The following PABPC1L variants were observed in gnomAD, a reference collection of about 807,000 sequenced individuals.
PABPC1L encodes the protein poly(A) binding protein cytoplasmic 1 like.
Under a neutral mutation model 66.6 loss-of-function variants are expected in PABPC1L, and 31 were observed. The observed-to-expected ratio is 0.47, with a 90% CI of 0.35 to 0.63. The LOEUF (loss-of-function observed/expected upper bound fraction) is 0.63. Ranked by LOEUF, PABPC1L falls within the 20% of genes least tolerant of loss-of-function variation. The probability of loss-of-function intolerance (pLI) is 0.00; values close to 1 mark genes in which losing one functional copy is unlikely to be tolerated. For missense variants in PABPC1L, 722 were observed against 848.8 expected (o/e 0.85, Z 1.86); for synonymous variants, 348 against 335.1 (o/e 1.04, Z -0.42).
At chr20:44,925,845 A>G (rs2066805906) in intron 7 of PABPC1L, among the ~76,000 whole-genome samples, 1 of 152,214 alleles carries the variant, frequency 6.6e-6, no homozygotes, top group Non-Finnish European at 1.5e-5. Context: ...AACATGGTTG[A>G]AAGCTGGAAT....
chr20:44,932,879 A>C lies in PABPC1L; in HGVS notation c.1331-178A>C. 3 of 590,090 alleles carry C rather than the reference A, an allele frequency of 5.1e-6. No individual in the cohort carries two copies. The East Asian group carries it at 8.4e-5, about 17-fold the overall frequency. The allele number at this position is 590,090 out of a possible 1,614,324, so 36.6% of individuals were successfully genotyped here. ...TGGCTTTGAAATTGTAGATTCCTAC[A>C]CTCCCCCTTTCTGGAGTTCTGGGTC... On this transcript the variant is annotated intron_variant, in intron 9 of 14. Coordinates refer to ENST00000217073, the MANE Select transcript of PABPC1L (RefSeq NM_001372179.1).
intron 7 of PABPC1L, among the ~76,000 whole-genome samples, chr20:44,927,534 A>C (rs1043177149): frequency 9.2e-5 from 14 of 151,950 alleles, no homozygotes; most frequent in African/African-American, 3.4e-4. Context: ...TTTTTAGTAG[A>C]GATGGGGTGT....
chr20:44,930,051 C>G (rs1047993310), intron 7 of PABPC1L, among the ~76,000 whole-genome samples: 2 of 152,136 alleles, frequency 1.3e-5, no homozygotes, highest in Non-Finnish European at 2.9e-5. Context: ...TCGAGTCTCT[C>G]TTATCCCGGC....
At chr20:44,914,302 G>A (rs1324811271) in intron 2 of PABPC1L, among the ~76,000 whole-genome samples, 1 of 147,294 alleles carries the variant, frequency 6.8e-6, no homozygotes, top group Admixed American at 6.9e-5. Flanking sequence ...CTCCTCCCAG[G>A]TTCACGCCAT....
intron 10 of PABPC1L, 120 bp from the exon 11 acceptor site, chr20:44,935,271 T>A: frequency 1.4e-6 from 1 of 725,802 alleles, no homozygotes; most frequent in Non-Finnish European, 2.4e-6. Flanking sequence ...TCTTCTAATT[T>A]CTTTACATTC....
At position 44,933,070 on chromosome 20, in the gene PABPC1L, A is replaced by G; in HGVS notation, c.1344A>G (p.Pro448=). ...CTGCACCACAAGCTGCCTACCCTCC[A>G]GGTGCCTCAATGGTCCGGCCACCAG... is the stretch of plus-strand genomic sequence containing the variant. ...QPPRPSSAYP[P]GASMVRPPVV... The change falls in exon 10 of 15, where the codon CCA becomes CCG. Residue 448 remains proline (P), a synonymous_variant. Coordinates refer to ENST00000217073, the MANE Select transcript of PABPC1L (RefSeq NM_001372179.1). 6 of 1,588,274 alleles carry G rather than the reference A, an allele frequency of 3.8e-6. No individual in the cohort carries two copies. Among genetic ancestry groups the G allele is most frequent in the South Asian group, 1.2e-5 (1 of 86,934 alleles).
intron 3 of PABPC1L, among the ~76,000 whole-genome samples, chr20:44,917,707 C>T (rs927153231): frequency 1.3e-5 from 2 of 152,130 alleles, no homozygotes; most frequent in African/African-American, 4.8e-5. Context: ...GAGGCCAGCT[C>T]ACATGGTCAG....
At chr20:44,938,648 G>GT (rs1568654652) in intron 13 of PABPC1L, 26 bp from the exon 14 acceptor site, 1 of 1,583,420 alleles carries the variant, frequency 6.3e-7, no homozygotes, top group Non-Finnish European at 8.6e-7. Context: ...GCTGCACTAA[G>GT]CCCCCCCGCC....
intron 7 of PABPC1L, among the ~76,000 whole-genome samples, chr20:44,927,354 T>A (rs1161920667): frequency 2.3e-3 from 328 of 140,390 alleles, no homozygotes; most frequent in African/African-American, 5.0e-3. Context: ...TATATATATT[T>A]TTTTTTTTTT....
Position 44,919,012 on chromosome 20 carries a change from G to A in PABPC1L, c.610G>A (p.Glu204Lys), listed in dbSNP as rs768735613. 6.8e-6 allele frequency: 11 copies of A among 1,613,228 alleles called. No homozygotes were observed. The highest frequency in any genetic ancestry group is 2.2e-5 in the South Asian group (2 of 90,924). ...YVKNLPVDVD[E>K]QGLQDLFSQF... ...GAAGAACCTCCCGGTGGATGTGGAC[G>A]AGCAAGGCCTGCAGGACCTCTTCTC... Residue 204 changes from glutamate (E) to lysine (K), a missense_variant, in exon 4 of 15, where the codon GAG (glutamate) becomes AAG (lysine). By Grantham distance (56) the Glu-to-Lys change is moderately conservative. Around this residue, in one of 3 missense-constraint regions of PABPC1L, gnomAD observed 284 missense variants for 294.8 expected, o/e 0.96. Transcript: ENST00000217073.
intron 7 of PABPC1L, among the ~76,000 whole-genome samples, chr20:44,925,347 C>T (rs1157514775): frequency 2.6e-5 from 4 of 151,998 alleles, no homozygotes; most frequent in African/African-American, 4.8e-5. Context: ...TCCTTGCTTT[C>T]AAGTAGCTTA....
intron 10 of PABPC1L, among the ~76,000 whole-genome samples, chr20:44,934,866 G>A (rs1265603982): frequency 6.6e-6 from 1 of 152,126 alleles, no homozygotes; most frequent in Non-Finnish European, 1.5e-5. Flanking sequence ...TCAGGAGTTC[G>A]AAACCAGCCT....
At chr20:44,918,761 T>G in intron 3 of PABPC1L, 145 bp from the exon 4 acceptor site, 1 of 856,750 alleles carries the variant, frequency 1.2e-6, no homozygotes, top group Non-Finnish European at 1.7e-6. Context: ...GCCTTGGGGA[T>G]GTTCTAAGGA....
intron 12 of PABPC1L, among the ~76,000 whole-genome samples, chr20:44,937,543 T>C (rs1203365102): frequency 6.6e-6 from 1 of 152,094 alleles, no homozygotes. Flanking sequence ...GCCTTCTGAG[T>C]AGCTGGGCTT....
At chr20:44,933,532 G>A (rs1284470528) in intron 10 of PABPC1L, among the ~76,000 whole-genome samples, 2 of 151,596 alleles carry the variant, frequency 1.3e-5, no homozygotes, top group Admixed American at 6.6e-5. Context: ...TGCAACCTCC[G>A]CCTCCCAGGT....
chr20:44,912,361 G>C (rs2066710892), intron 1 of PABPC1L, among the ~76,000 whole-genome samples: 1 of 152,170 alleles, frequency 6.6e-6, no homozygotes, highest in Non-Finnish European at 1.5e-5. Flanking sequence ...CTTATTCTCA[G>C]TTTTCCCATC....
At position 44,919,034 on chromosome 20, in the gene PABPC1L, T is replaced by A. The variant is rs769413827; in HGVS notation, c.632T>A (p.Phe211Tyr). ...GACGAGCAAGGCCTGCAGGACCTCT[T>A]CTCCCAGTTTGGTGGGTGTGTCCCC... ...DVDEQGLQDL[F>Y]SQFGKMLSVK... Residue 211 changes from phenylalanine (F) to tyrosine (Y), a missense_variant, in exon 4 of 15, where the codon TTC (phenylalanine) becomes TAC (tyrosine). Around this residue, in one of 3 missense-constraint regions of PABPC1L, gnomAD observed 284 missense variants for 294.8 expected, o/e 0.96. Transcript: ENST00000217073. The A allele has an allele frequency of 1.2e-6, 2 of 1,611,982 alleles. No individual in the cohort carries two copies. Among genetic ancestry groups the A allele is most frequent in the African/African-American group, 2.7e-5 (2 of 74,898 alleles).
chr20:44,928,262 G>A (rs2066824413), intron 7 of PABPC1L, among the ~76,000 whole-genome samples: 1 of 151,776 alleles, frequency 6.6e-6, no homozygotes, highest in Non-Finnish European at 1.5e-5. Context: ...TAGTAGAGAT[G>A]GGGTTTCACC....
intron 2 of PABPC1L, among the ~76,000 whole-genome samples, chr20:44,913,297 T>C (rs1270719489): frequency 1.3e-5 from 2 of 152,154 alleles, no homozygotes; most frequent in African/African-American, 4.8e-5. Context: ...AGTAGGCTAG[T>C]CCAGGCTATT....
Sources: allele counts gnomAD v4.1 joint callset (sites outside exome capture counted in the v4.1 genomes callset), GRCh38; gene constraint gnomAD v4.1.1; regional missense constraint gnomAD v4.1.1; transcripts MANE v1.5; gene names NCBI Gene and HGNC (gene_info 2026-07-23, HGNC 2026-07-21).